PRRG1: variants seen among roughly 807,000 people sequenced by gnomAD.
The protein encoded by PRRG1 is transmembrane gamma-carboxyglutamic acid protein 1.
A neutral mutation model predicts 11.8 loss-of-function variants in PRRG1; 5 were observed. The ratio of observed to expected loss-of-function variants is 0.42; its 90% CI spans 0.22 to 0.89. PRRG1 has a LOEUF of 0.89. Among genes scored for constraint, PRRG1 ranks in the 40% least tolerant of loss-of-function variants. PRRG1 has a pLI of 0.28. For synonymous variants in PRRG1, 66 were observed against 60.4 expected, an observed-to-expected ratio of 1.09 and a Z score of -0.43; for missense variants, 155 against 166.1, an observed-to-expected ratio of 0.93 and a Z score of 0.37.
chrX:37,433,031 T>C (rs947330678), intron 3 of PRRG1, among the ~76,000 whole-genome samples: 24 of 111,718 alleles, frequency 2.1e-4, no homozygotes, highest in African/African-American at 7.1e-4. Flanking sequence ...TATGAAAATA[T>C]ACTCGGAATC....
intron 2 of PRRG1, among the ~76,000 whole-genome samples, chrX:37,413,340 C>T (rs781806446): frequency 1.8e-5 from 2 of 110,926 alleles, no homozygotes; most frequent in Non-Finnish European, 3.8e-5. Context: ...CCACCCCTGG[C>T]AATCACTGAT....
intron 1 of PRRG1, among the ~76,000 whole-genome samples, chrX:37,351,801 C>T (rs782216476): frequency 1.8e-5 from 2 of 112,557 alleles, no homozygotes; most frequent in Admixed American, 9.3e-5. Context: ...TAGAAAGACA[C>T]AAATAGGTTG....
At chrX:37,439,550 C>T (rs1932936059) in intron 3 of PRRG1, among the ~76,000 whole-genome samples, 1 of 111,469 alleles carries the variant, frequency 9.0e-6, no homozygotes, top group African/African-American at 3.3e-5. Context: ...TTCCTCATTC[C>T]CTTCCTCCCC....
chrX:37,443,684 T>C (rs1349672888), intron 3 of PRRG1, among the ~76,000 whole-genome samples: 1 of 112,155 alleles, frequency 8.9e-6, no homozygotes, highest in Non-Finnish European at 1.9e-5. Flanking sequence ...CTCTGGTTTC[T>C]CCTTTCTAGA....
intron 1 of PRRG1, among the ~76,000 whole-genome samples, chrX:37,351,525 A>C (rs180917923): frequency 8.9e-6 from 1 of 111,869 alleles, no homozygotes. Flanking sequence ...AAGAAAGAAA[A>C]AAAAGATAGT....
intron 2 of PRRG1, among the ~76,000 whole-genome samples, chrX:37,419,086 G>A (rs1932584808): frequency 8.9e-6 from 1 of 112,081 alleles, no homozygotes; most frequent in South Asian, 3.8e-4. Context: ...GCATAAACGA[G>A]GTATTACTGT....
chrX:37,378,351 G>A (rs1556372980), intron 1 of PRRG1, among the ~76,000 whole-genome samples: 1 of 111,737 alleles, frequency 8.9e-6, no homozygotes, highest in African/African-American at 3.2e-5. Flanking sequence ...GAAGGACAGG[G>A]AGAAAGTCTG....
intron 1 of PRRG1, among the ~76,000 whole-genome samples, chrX:37,350,783 A>C (rs1192936773): frequency 9.0e-6 from 1 of 111,449 alleles, no homozygotes; most frequent in African/African-American, 3.3e-5. Flanking sequence ...TCTGAAGTAT[A>C]CTTAAAAACA....
At chrX:37,418,741 C>T (rs1556386003) in intron 2 of PRRG1, among the ~76,000 whole-genome samples, 1 of 111,271 alleles carries the variant, frequency 9.0e-6, no homozygotes, top group Non-Finnish European at 1.9e-5. Flanking sequence ...GAGTTTAGAT[C>T]CTACTCTAAA....
intron 1 of PRRG1, among the ~76,000 whole-genome samples, chrX:37,387,204 A>T (rs1275641482): frequency 8.9e-6 from 1 of 112,472 alleles, no homozygotes; most frequent in Admixed American, 9.4e-5. Context: ...TTTCTACATT[A>T]AAAAATGTTA....
chrX:37,456,892 C>T lies in PRRG1; in HGVS notation c.*3271C>T, dbSNP rs1556398551. 8.9e-6 allele frequency: 1 copy of T among 112,146 alleles called. No homozygotes were observed. Among genetic ancestry groups the T allele is most frequent in the Non-Finnish European group, 1.9e-5 (1 of 53,187 alleles). The allele number at this position is 112,146 out of a possible 1,213,427, so 9.2% of individuals were successfully genotyped here. A position where few individuals can be genotyped will look rare whatever the true frequency, so the allele number is the denominator to read the frequency against. ...TAAAAGAACAGGCTCAGTGGTCTTC[C>T]TGTAGAATGGTTTACATGCCTGCAT... On this transcript the variant is annotated 3_prime_UTR_variant, in exon 4 of 4. Transcript: ENST00000378628.
At position 37,425,866 on chromosome X, in the gene PRRG1, T is replaced by G; in HGVS notation, c.37T>G (p.Ser13Ala). ...RVFLTGEKAN[S>A]ILKRYPRANG... ...TTTCCTCACGGGAGAAAAAGCCAAT[T>G]CCATATTAAAACGCTACCCAAGAGC... The change falls in exon 3 of 4, where the codon TCC becomes GCC. Residue 13 changes from serine (S) to alanine (A), a missense_variant. Ser to Ala is a moderately conservative substitution (Grantham distance 99). Coordinates refer to ENST00000378628, the MANE Select transcript of PRRG1 (RefSeq NM_001142395.2). 1 of 1,192,686 alleles carries G rather than the reference T, an allele frequency of 8.4e-7. No homozygotes were observed. Among genetic ancestry groups the G allele is most frequent in the Non-Finnish European group, 1.1e-6 (1 of 887,374 alleles).
At chrX:37,404,586 G>C (rs1186369438) in intron 1 of PRRG1, among the ~76,000 whole-genome samples, 1 of 110,658 alleles carries the variant, frequency 9.0e-6, no homozygotes, top group Non-Finnish European at 1.9e-5. Context: ...TATAGTGCTA[G>C]GTTTCTGATG....
At chrX:37,408,479 CACATGTGGGGG>C (rs1461233154) in intron 2 of PRRG1, among the ~76,000 whole-genome samples, 1 of 111,054 alleles carries the variant, frequency 9.0e-6, no homozygotes, top group Non-Finnish European at 1.9e-5. Context: ...TGATGTTCTA[CACATGTGGGGG>C]ATATGTGGGG....
intron 2 of PRRG1, among the ~76,000 whole-genome samples, chrX:37,406,894 TAATC>T (rs1269591040): frequency 3.6e-5 from 4 of 111,750 alleles, no homozygotes; most frequent in African/African-American, 1.3e-4. Flanking sequence ...CAACCTAAAA[TAATC>T]AAAAGGGTCA....
intron 1 of PRRG1, among the ~76,000 whole-genome samples, chrX:37,399,946 T>C (rs1931899726): frequency 1.8e-5 from 2 of 111,311 alleles, no homozygotes; most frequent in Non-Finnish European, 3.8e-5. Flanking sequence ...CCTAAATATA[T>C]ATGCACCCAA....
At chrX:37,365,074 A>G (rs1556368857) in intron 1 of PRRG1, among the ~76,000 whole-genome samples, 1 of 112,042 alleles carries the variant, frequency 8.9e-6, no homozygotes, top group African/African-American at 3.2e-5. Context: ...AGATGGCCAA[A>G]AGTTAGTGAA....
intron 1 of PRRG1, among the ~76,000 whole-genome samples, chrX:37,369,018 C>T (rs1302952557): frequency 9.0e-6 from 1 of 111,667 alleles, no homozygotes; most frequent in Non-Finnish European, 1.9e-5. Context: ...TCACACAGCC[C>T]ACAAGGCACT....
intron 3 of PRRG1, among the ~76,000 whole-genome samples, chrX:37,446,215 T>C (rs1462241159): frequency 8.9e-6 from 1 of 112,318 alleles, no homozygotes; most frequent in Non-Finnish European, 1.9e-5. Context: ...GAAGATACTT[T>C]TGGTTACTTA....
Sources: gnomAD v4.1 joint callset for allele counts (sites outside exome capture counted in the v4.1 genomes callset) on GRCh38, gnomAD v4.1.1 for gene constraint, MANE v1.5 for transcripts, NCBI Gene and HGNC (gene_info 2026-07-23, HGNC 2026-07-21) for gene names.